TET3: variants seen among roughly 807,000 people sequenced by gnomAD.
TET3 encodes tet methylcytosine dioxygenase 3, also known as methylcytosine dioxygenase TET3.
Under a neutral mutation model 141.4 loss-of-function variants are expected in TET3, and 19 were observed. That is an observed-to-expected ratio of 0.13 (90% CI 0.09 to 0.20). The LOEUF is 0.20. Ranked by LOEUF, TET3 falls within the 10% of genes least tolerant of loss-of-function variation. The probability of loss-of-function intolerance (pLI) is 1.00; values close to 1 mark genes in which losing one functional copy is unlikely to be tolerated. For synonymous variants in TET3, 1,043 were observed against 980.9 expected (o/e 1.06, Z -1.18); for missense variants, 1,874 against 2,356.9 (o/e 0.80, Z 4.24).
intron 3 of TET3, among the ~76,000 whole-genome samples, chr2:74,008,652 C>A (rs947428658): frequency 1.3e-5 from 2 of 152,042 alleles, no homozygotes; most frequent in African/African-American, 2.4e-5. Context: ...CCCCTACTTT[C>A]TGTTGCTGAG....
intron 3 of TET3, among the ~76,000 whole-genome samples, chr2:74,039,286 C>T (rs1359801802): frequency 6.6e-6 from 1 of 152,208 alleles, no homozygotes; most frequent in Non-Finnish European, 1.5e-5. Context: ...AATTCTTCCC[C>T]TTCTTCCAAA....
the TET3 span, chr2:74,122,511 A>ATATTTTTTTTTTTTTTTTT: frequency 2.1e-5 from 1 of 47,570 alleles, no homozygotes; most frequent in Non-Finnish European, 3.8e-5. Flanking sequence ...ATATATATAT[A>ATATTTTTTTTTTTTTTTTT]TTTTTTTTTT....
rs1386654715 is a variant in TET3 at position 74,099,504 on chromosome 2, G to T, written c.3496G>T (p.Ala1166Ser). 2 of 1,613,392 alleles carry T rather than the reference G, an allele frequency of 1.2e-6. No homozygotes were observed. The highest frequency in any genetic ancestry group is 2.7e-5 in the African/African-American group (2 of 74,928). ...GTCCTGCCGCCAGCGGCAGCTGGAA[G>T]CCAGAAAGGCAGCAGCCGAGAAGAA... Reference protein sequence around the residue: ...AKSCRQRQLEARKAAAEKKKI... With the variant: ...AKSCRQRQLESRKAAAEKKKI... Residue 1166 changes from alanine to serine, a missense_variant, in exon 11 of 12, where the codon GCC (alanine) becomes TCC (serine). This residue lies in a region of TET3 where 53 missense variants were observed against 112.8 expected (regional missense o/e 0.47). Coordinates refer to ENST00000409262, the MANE Select transcript of TET3 (RefSeq NM_001287491.2).
intron 3 of TET3, among the ~76,000 whole-genome samples, chr2:74,045,626 C>T (rs900053955): frequency 6.6e-6 from 1 of 152,176 alleles, no homozygotes; most frequent in African/African-American, 2.4e-5. Flanking sequence ...TGGGGCTAAA[C>T]GCATGCTGTG....
At chr2:74,132,591 G>T in the TET3 span, among the ~76,000 whole-genome samples, 7 of 152,162 alleles carry the variant, frequency 4.6e-5, no homozygotes, top group Non-Finnish European at 2.9e-5. Context: ...CTTACTTGTT[G>T]CCCAGGCTGG....
chr2:74,051,003 T>C (rs766188641), intron 4 of TET3, among the ~76,000 whole-genome samples: 13 of 152,238 alleles, frequency 8.5e-5, no homozygotes, highest in Non-Finnish European at 1.6e-4. Flanking sequence ...GACTTAGTTG[T>C]CATCATGGGA....
At chr2:74,068,786 A>G (rs571220938) in intron 4 of TET3, among the ~76,000 whole-genome samples, 34 of 152,378 alleles carry the variant, frequency 2.2e-4, no homozygotes, top group Non-Finnish European at 4.0e-4. Flanking sequence ...GGAAAATGAC[A>G]TCTCATTGTA....
At position 74,065,232 on chromosome 2, in the gene TET3, A is replaced by C. The variant is rs539456553; in HGVS notation, c.2495-8317A>C. On this transcript the variant is annotated intron_variant, in intron 4 of 11. Transcript: ENST00000409262. ...TAGCAGTTAAAATGAAAATGAAGTG[A>C]ATAGTCACCTTCAAGGACAAAGGAG... is the stretch of plus-strand genomic sequence containing the variant. 3.9e-5 allele frequency among the ~76,000 whole-genome samples: 6 copies of C among 152,362 alleles called. No homozygotes were observed. In the South Asian group the frequency reaches 1.2e-3, roughly 32 times the overall value.
rs751119029 is a variant in TET3, at chr2:74,047,607, A to T, written c.1690A>T (p.Ser564Cys). The T allele has an allele frequency of 1.2e-5, 19 of 1,613,836 alleles. No homozygotes were observed. The highest frequency in any genetic ancestry group is 1.5e-5 in the Non-Finnish European group (18 of 1,179,816). ...TGCTCCTGGCTGGTGGCCCCCACCA[A>T]GTTCACCTGTCCCACGGCTTCCAGA... ...PSAPGWWPPP[S>C]SPVPRLPDRP... Residue 564 changes from serine to cysteine, a missense_variant, in exon 4 of 12, where the codon AGT (serine) becomes TGT (cysteine). Physicochemically the swap from Ser to Cys is moderately radical, Grantham distance 112 (BLOSUM62 -1). Transcript: ENST00000409262.
intron 3 of TET3, among the ~76,000 whole-genome samples, chr2:74,007,554 G>A (rs972485761): frequency 1.3e-5 from 2 of 152,226 alleles, no homozygotes; most frequent in Non-Finnish European, 2.9e-5. Flanking sequence ...CATTTAGAGT[G>A]TGGGCCCCGC....
chr2:74,134,583 G>C, the TET3 span: 1 of 418,552 alleles, frequency 2.4e-6, no homozygotes. Flanking sequence ...AGGAGTGTGA[G>C]AGAGGAGTGG....
chr2:74,000,336 G>C (rs1684784402), intron 2 of TET3, among the ~76,000 whole-genome samples: 1 of 152,136 alleles, frequency 6.6e-6, no homozygotes, highest in Admixed American at 6.5e-5. Flanking sequence ...GGAAGACAGG[G>C]CCCCCGCCCA....
At chr2:74,083,042 A>G (rs187354940) in intron 6 of TET3, among the ~76,000 whole-genome samples, 1 of 152,300 alleles carries the variant, frequency 6.6e-6, no homozygotes, top group Non-Finnish European at 1.5e-5. Context: ...CTTCAGCTTA[A>G]AGCAGTGTGC....
chr2:74,096,934 A>G (rs1376901730), intron 10 of TET3, among the ~76,000 whole-genome samples: 2 of 151,816 alleles, frequency 1.3e-5, no homozygotes, highest in Admixed American at 1.3e-4. Flanking sequence ...TCTACAAAAA[A>G]TACCAAAAAT....
In TET3 at chr2:74,102,049, C is replaced by A; in HGVS notation, c.5261C>A (p.Pro1754His). 1.3e-6 allele frequency: 2 copies of A among 1,536,512 alleles called. No individual in the cohort carries two copies. Among genetic ancestry groups the A allele is most frequent in the Non-Finnish European group, 1.7e-6 (2 of 1,142,964 alleles). ...TGGGGGGGCACTGTGGTTGCTGAGC[C>A]CCAGCAGAAAGAGAAGAAGGGGGTC... Reference protein sequence around the residue: ...RKWGGTVVAEPQQKEKKGVVP... With the variant: ...RKWGGTVVAEHQQKEKKGVVP... The change falls in exon 12 of 12, where the codon CCC becomes CAC. Residue 1754 changes from proline (P) to histidine (H), a missense_variant. Around this residue, in one of 10 missense-constraint regions of TET3, gnomAD observed 113 missense variants for 114.3 expected, o/e 0.99. Transcript: ENST00000409262.
chr2:74,114,571 G>A, the TET3 span, among the ~76,000 whole-genome samples: 1 of 151,900 alleles, frequency 6.6e-6, no homozygotes, highest in African/African-American at 2.4e-5. Context: ...AAAAAAGCAG[G>A]CTGGGCATGG....
Position 74,015,042 on chromosome 2 carries a change from G to A in TET3, c.360+11876G>A, listed in dbSNP as rs116172265. On this transcript the variant is annotated intron_variant, in intron 3 of 11. Transcript: ENST00000409262. Reference sequence around the variant, plus strand: ...GTCTCCCCTCTCTGGGTCCAGCAGCGCCTAGTGCAGTAGGGACAGCCCTCT... The same window carrying A: ...GTCTCCCCTCTCTGGGTCCAGCAGCACCTAGTGCAGTAGGGACAGCCCTCT... Among the ~76,000 whole-genome samples the A allele has an allele frequency of 4.9e-3, 752 of 152,286 alleles. 3 individuals are homozygous for A. Among genetic ancestry groups the A allele is most frequent in the African/African-American group, 0.017 (712 of 41,540 alleles).
At chr2:74,109,414 T>C (rs1221263379), downstream of TET3, among the ~76,000 whole-genome samples, 1 of 152,234 alleles carries the variant, frequency 6.6e-6, no homozygotes, top group East Asian at 1.9e-4. Flanking sequence ...TTGTAATCTT[T>C]TTGCACTTAA....
In TET3 at chr2:74,102,108, G is replaced by C; in HGVS notation, c.5320G>C (p.Asp1774His). The change falls in exon 12 of 12, where the codon GAC (aspartate) becomes CAC (histidine). Residue 1774 changes from aspartate (D) to histidine (H), a missense_variant. Transcript: ENST00000409262. ...CCGGCAGGCACTGGCTGTGCCCACA[G>C]ACTCGGCGGTCACCGTGTCCTCCTA... Reference protein sequence around the residue: ...PTRQALAVPTDSAVTVSSYAY... With the variant: ...PTRQALAVPTHSAVTVSSYAY... The C allele has an allele frequency of 6.7e-7, 1 of 1,495,532 alleles. No individual in the cohort carries two copies. Among genetic ancestry groups the C allele is most frequent in the Non-Finnish European group, 8.9e-7 (1 of 1,123,410 alleles). 92.6% of individuals were successfully genotyped at this position (1,495,532 alleles called of 1,614,324 possible). A position where few individuals can be genotyped will look rare whatever the true frequency, so the allele number is the denominator to read the frequency against.
Sources: gnomAD v4.1 joint callset for allele counts (sites outside exome capture counted in the v4.1 genomes callset) on GRCh38, gnomAD v4.1.1 for gene constraint, gnomAD v4.1.1 regional missense constraint, MANE v1.5 for transcripts, NCBI Gene and HGNC (gene_info 2026-07-23, HGNC 2026-07-21) for gene names.